SLC14A2: variants seen among roughly 807,000 people sequenced by gnomAD.
SLC14A2 encodes solute carrier family 14 member 2, also known as urea transporter 2.
Under a neutral mutation model 104.6 loss-of-function variants are expected in SLC14A2, and 91 were observed. The ratio of observed to expected loss-of-function variants is 0.87; its 90% CI spans 0.73 to 1.04. The LOEUF is 1.04. SLC14A2 is among the 50% of genes least tolerant of loss of function. The probability of loss-of-function intolerance (pLI) is 0.00; values close to 1 mark genes in which losing one functional copy is unlikely to be tolerated. For missense variants in SLC14A2, 1,189 were observed against 1,156.0 expected (o/e 1.03, Z -0.41); for synonymous variants, 476 against 466.4 (o/e 1.02, Z -0.27).
intron 14 of SLC14A2, 119 bp from the exon 15 acceptor site, chr18:45,668,230 G>T (rs1042975290): frequency 8.8e-6 from 12 of 1,360,888 alleles, no homozygotes; most frequent in Non-Finnish European, 1.0e-5. Context: ...CTCCCAGAAG[G>T]GTGGTCTATT....
At chr18:45,355,079 A>G (rs1444204312) in intron 1 of SLC14A2, among the ~76,000 whole-genome samples, 1 of 152,196 alleles carries the variant, frequency 6.6e-6, no homozygotes, top group Admixed American at 6.5e-5. Context: ...TGGTTCTACA[A>G]TCTAGGGCAG....
Position 45,550,462 on chromosome 18 carries a change from C to T in SLC14A2, c.-35+67140C>T, listed in dbSNP as rs529786371. Among the ~76,000 whole-genome samples the T allele has an allele frequency of 2.6e-5, 4 of 152,348 alleles. No individual in the cohort carries two copies. The East Asian group carries it at 7.7e-4, about 29-fold the overall frequency. ...GAAATCACTTTGAAGTGCTCACAGT[C>T]TGTCTCCTCCACTAGACTGTGAGCT... is the stretch of plus-strand genomic sequence containing the variant. On this transcript the variant is annotated intron_variant, in intron 2 of 20. Coordinates refer to the SLC14A2 transcript ENST00000586448.
At chr18:45,223,702 C>T (rs1292631009) in intron 1 of SLC14A2, among the ~76,000 whole-genome samples, 2 of 152,182 alleles carry the variant, frequency 1.3e-5, no homozygotes, top group Non-Finnish European at 2.9e-5. Flanking sequence ...GTGCCCTCTC[C>T]TAGCTCCCTT....
At chr18:45,495,632 T>G (rs2043082031) in intron 2 of SLC14A2, among the ~76,000 whole-genome samples, 1 of 152,178 alleles carries the variant, frequency 6.6e-6, no homozygotes, top group African/African-American at 2.4e-5. Flanking sequence ...CTGAAGCAAG[T>G]CATTGCCTAT....
chr18:45,429,482 C>T (rs1273956382), intron 1 of SLC14A2, among the ~76,000 whole-genome samples: 1 of 152,208 alleles, frequency 6.6e-6, no homozygotes, highest in Non-Finnish European at 1.5e-5. Flanking sequence ...AGGGATTCTA[C>T]AGTGAGCACA....
intron 10 of SLC14A2, among the ~76,000 whole-genome samples, chr18:45,657,546 AAGAG>A (rs994423550): frequency 3.8e-4 from 58 of 151,218 alleles, no homozygotes; most frequent in African/African-American, 1.4e-3. Context: ...AAGGAAAGAA[AAGAG>A]AGAGAGAAAG....
At chr18:45,420,817 G>A (rs535164444) in intron 1 of SLC14A2, among the ~76,000 whole-genome samples, 63 of 150,614 alleles carry the variant, frequency 4.2e-4, no homozygotes, top group African/African-American at 1.2e-3. Context: ...CTTGGCTCAC[G>A]GCAACCTCCG....
At chr18:45,553,067 G>A (rs1278279628) in intron 2 of SLC14A2, among the ~76,000 whole-genome samples, 1 of 152,206 alleles carries the variant, frequency 6.6e-6, no homozygotes, top group Non-Finnish European at 1.5e-5. Context: ...GATCTACCCA[G>A]GTGACAGGGT....
chr18:45,325,187 C>G (rs1345578288), intron 1 of SLC14A2, among the ~76,000 whole-genome samples: 1 of 152,212 alleles, frequency 6.6e-6, no homozygotes, highest in East Asian at 1.9e-4. Context: ...CAGGCAAAGA[C>G]TTCCCTCTAG....
chr18:45,194,706 T>C, the SLC14A2 span, among the ~76,000 whole-genome samples: 8 of 143,140 alleles, frequency 5.6e-5, no homozygotes, highest in Admixed American at 1.5e-4. Flanking sequence ...AGTGCAGTGG[T>C]GCGATCTCGG....
At chr18:45,587,033 G>C (rs1445933726) in intron 2 of SLC14A2, among the ~76,000 whole-genome samples, 2 of 151,930 alleles carry the variant, frequency 1.3e-5, no homozygotes, top group Non-Finnish European at 2.9e-5. Flanking sequence ...AGTCACCCAG[G>C]CTGGAGTGTA....
intron 1 of SLC14A2, among the ~76,000 whole-genome samples, chr18:45,296,817 A>AATGTATTAT (rs375638860): frequency 0.19 from 28,141 of 152,050 alleles, 3,083 homozygotes; most frequent in African/African-American, 0.3. Flanking sequence ...TATTTTTCCC[A>AATGTATTAT]GGGTAGCCGT....
intron 1 of SLC14A2, among the ~76,000 whole-genome samples, chr18:45,293,512 G>A (rs1037960658): frequency 2.0e-5 from 3 of 151,808 alleles, no homozygotes; most frequent in African/African-American, 7.3e-5. Flanking sequence ...GTCAGGCAAG[G>A]TCCCCCCGAG....
chr18:45,197,936 G>A, the SLC14A2 span, among the ~76,000 whole-genome samples: 3 of 152,194 alleles, frequency 2.0e-5, no homozygotes, highest in South Asian at 2.1e-4. Flanking sequence ...TCTAAAGCTC[G>A]TAGGAACTTT....
In SLC14A2 at chr18:45,522,117, C is replaced by A. The variant is rs114260488; in HGVS notation, c.-35+38795C>A. Among the ~76,000 whole-genome samples the A allele has an allele frequency of 2.6e-3, 400 of 152,324 alleles. 2 individuals carry two copies. The highest frequency in any genetic ancestry group is 9.1e-3 in the African/African-American group (380 of 41,576). On this transcript the variant is annotated intron_variant, in intron 2 of 20. Transcript: ENST00000586448. The stretch of plus-strand genomic sequence containing the variant: ...CTGACCTTCAGTTTGCACATCATAT[C>A]AGTGGAGATCACCATCCTTCACGTG...
At chr18:45,537,354 G>C (rs1214272632) in intron 2 of SLC14A2, among the ~76,000 whole-genome samples, 1 of 152,154 alleles carries the variant, frequency 6.6e-6, no homozygotes, top group Non-Finnish European at 1.5e-5. Context: ...AGTTCTGGGG[G>C]TTGAGCTATC....
At chr18:45,678,697 T>G (rs1036890379) in intron 18 of SLC14A2, among the ~76,000 whole-genome samples, 3 of 152,238 alleles carry the variant, frequency 2.0e-5, no homozygotes, top group Admixed American at 6.5e-5. Context: ...TAAATGTTCC[T>G]TTACTGGAAT....
At chr18:45,623,663 A>G (rs1418633013) in intron 1 of SLC14A2, among the ~76,000 whole-genome samples, 1 of 152,146 alleles carries the variant, frequency 6.6e-6, no homozygotes, top group African/African-American at 2.4e-5. Context: ...GAATCCTGCA[A>G]TCCTTGAGCG....
At chr18:45,602,563 T>A (rs2044807548) in intron 2 of SLC14A2, among the ~76,000 whole-genome samples, 1 of 152,220 alleles carries the variant, frequency 6.6e-6, no homozygotes, top group African/African-American at 2.4e-5. Flanking sequence ...TTCACCCCCA[T>A]ACTCACTTCA....
Sources: allele counts gnomAD v4.1 joint callset (sites outside exome capture counted in the v4.1 genomes callset), GRCh38; gene constraint gnomAD v4.1.1; transcripts MANE v1.5; gene names NCBI Gene and HGNC (gene_info 2026-07-23, HGNC 2026-07-21).